SLC30A8: variants seen among roughly 807,000 people sequenced by gnomAD.
The protein encoded by SLC30A8 is solute carrier family 30 member 8.
A neutral mutation model predicts 36.9 loss-of-function variants in SLC30A8; 27 were observed. The ratio of observed to expected loss-of-function variants is 0.73; its 90% CI spans 0.54 to 1.01. The LOEUF is 1.01. Among genes scored for constraint, SLC30A8 ranks in the 50% least tolerant of loss-of-function variants. The pLI, the probability that SLC30A8 is intolerant of heterozygous loss-of-function variation, is 0.00. For synonymous variants in SLC30A8, 164 were observed against 172.4 expected (o/e 0.95, Z 0.38); for missense variants, 439 against 452.0 (o/e 0.97, Z 0.26).
At chr8:116,957,932 G>A (rs1311060902) in intron 1 of SLC30A8, among the ~76,000 whole-genome samples, 4 of 152,038 alleles carry the variant, frequency 2.6e-5, no homozygotes, top group African/African-American at 9.7e-5. Flanking sequence ...AGCACCTGAG[G>A]GCAGCCCTGT....
At chr8:117,097,396 C>CAAAA (rs1157294543) in intron 2 of SLC30A8, among the ~76,000 whole-genome samples, 4 of 25,048 alleles carry the variant, frequency 1.6e-4, no homozygotes, top group African/African-American at 4.4e-4. Flanking sequence ...GACTCCATCT[C>CAAAA]AAAAAAAAAA....
chr8:117,001,612 T>C (rs1816014096), intron 1 of SLC30A8, among the ~76,000 whole-genome samples: 1 of 152,194 alleles, frequency 6.6e-6, no homozygotes, highest in Admixed American at 6.5e-5. Context: ...CTAGAATAGT[T>C]TTTTTCACGT....
At chr8:117,099,025 A>G (rs1050757005) in intron 2 of SLC30A8, among the ~76,000 whole-genome samples, 1 of 152,206 alleles carries the variant, frequency 6.6e-6, no homozygotes, top group African/African-American at 2.4e-5. Context: ...GGTTAAACTC[A>G]GGGATGAATT....
At chr8:117,033,547 G>A (rs1817120171) in intron 1 of SLC30A8, among the ~76,000 whole-genome samples, 1 of 152,222 alleles carries the variant, frequency 6.6e-6, no homozygotes, top group Non-Finnish European at 1.5e-5. Flanking sequence ...AGTAGATAGA[G>A]GGAGTGATTA....
chr8:117,070,381 A>G (rs1239547484), intron 2 of SLC30A8, among the ~76,000 whole-genome samples: 2 of 152,134 alleles, frequency 1.3e-5, no homozygotes, highest in Non-Finnish European at 2.9e-5. Context: ...TGGTTCTCCT[A>G]AAGTACCTCA....
chr8:116,953,501 T>G (rs1231027189), intron 1 of SLC30A8, among the ~76,000 whole-genome samples: 1 of 152,224 alleles, frequency 6.6e-6, no homozygotes, highest in Non-Finnish European at 1.5e-5. Context: ...TTACATTGCT[T>G]GTTCTGCTTA....
At chr8:117,169,729 G>A (rs189350748) in intron 6 of SLC30A8, among the ~76,000 whole-genome samples, 31 of 152,152 alleles carry the variant, frequency 2.0e-4, no homozygotes, top group African/African-American at 6.3e-4. Flanking sequence ...GAGAAGGCAC[G>A]TCACATGATG....
rs1286839279 is a variant in SLC30A8 at position 117,175,543 on chromosome 8, G to A, written c.*2862G>A. ...TTCCCTTTATTAGCTCTGTGACCTC[G>A]AGCTAGTTACTTAAATGCTCTGATC... On this transcript the variant is annotated 3_prime_UTR_variant, in exon 8 of 8. Transcript: ENST00000456015. 1.3e-5 allele frequency: 2 copies of A among 152,032 alleles called. No homozygotes were observed. Among genetic ancestry groups the A allele is most frequent in the Admixed American group, 6.6e-5 (1 of 15,244 alleles). The allele number at this position is 152,032 out of a possible 1,614,324, so 9.4% of individuals were successfully genotyped here. A position where few individuals can be genotyped will look rare whatever the true frequency, so the allele number is the denominator to read the frequency against.
At chr8:116,953,876 A>C (rs1225951575) in intron 1 of SLC30A8, among the ~76,000 whole-genome samples, 1 of 152,194 alleles carries the variant, frequency 6.6e-6, no homozygotes, top group Non-Finnish European at 1.5e-5. Flanking sequence ...ACTGTAATTC[A>C]TTCATGAGAT....
At chr8:117,163,303 T>G in intron 5 of SLC30A8, 122 bp from the exon 6 acceptor site, 1 of 705,182 alleles carries the variant, frequency 1.4e-6, no homozygotes, top group South Asian at 2.1e-5. Context: ...ATGACACATG[T>G]CAAAAGGGTA....
intron 1 of SLC30A8, among the ~76,000 whole-genome samples, chr8:117,034,608 G>A (rs1817154642): frequency 6.6e-6 from 1 of 152,142 alleles, no homozygotes; most frequent in Admixed American, 6.6e-5. Context: ...TTGAACCCAG[G>A]TGTTCTAACT....
Position 117,065,630 on chromosome 8 carries a change from C to A in SLC30A8, c.-226+26372C>A, listed in dbSNP as rs114155763. On this transcript the variant is annotated intron_variant, in intron 2 of 10. Coordinates refer to the SLC30A8 transcript ENST00000427715. The stretch of plus-strand genomic sequence containing the variant: ...TATCTCCGCTCATGGTGACTTTACA[C>A]GGTCTCTGTGGGAGCAGCCATTTTG... Among the ~76,000 whole-genome samples, 952 of 152,150 alleles carry A rather than the reference C, an allele frequency of 6.3e-3. 7 individuals carry two copies. The highest frequency in any genetic ancestry group is 6.8e-3 in the Non-Finnish European group (462 of 68,006).
At chr8:116,959,177 TTCTC>T (rs1814329180) in intron 1 of SLC30A8, among the ~76,000 whole-genome samples, 1 of 152,208 alleles carries the variant, frequency 6.6e-6, no homozygotes, top group East Asian at 1.9e-4. Context: ...AAAATTTACT[TTCTC>T]TCTGTGTTTC....
rs1563593781 is a variant in SLC30A8 at position 117,097,414 on chromosome 8, A to ATATATAT, written c.-225-37866_-225-37865insTATATAT. 4.7e-4 allele frequency among the ~76,000 whole-genome samples: 56 copies of ATATATAT among 119,982 alleles called. 1 individual carries two copies. Among genetic ancestry groups the ATATATAT allele is most frequent in the African/African-American group, 1.8e-3 (51 of 27,712 alleles). 78.7% of individuals were successfully genotyped at this position (119,982 alleles called of 152,430 possible). A position where few individuals can be genotyped will look rare whatever the true frequency, so the allele number is the denominator to read the frequency against. On this transcript the variant is annotated intron_variant, in intron 2 of 10. Transcript: ENST00000427715. Reference sequence around the variant, plus strand: ...TCCATCTCAAAAAAAAAAAAAAAAAAAAAAATATATATAAATATATATAAT... The same window carrying ATATATAT: ...TCCATCTCAAAAAAAAAAAAAAAAAATATATATAAAAATATATATAAATATATATAAT...
intron 1 of SLC30A8, among the ~76,000 whole-genome samples, chr8:117,019,490 C>A (rs1449421675): frequency 1.3e-5 from 2 of 152,144 alleles, no homozygotes; most frequent in Non-Finnish European, 2.9e-5. Context: ...TTTCATTTGT[C>A]CTATTACAAG....
chr8:117,171,447 A>G (rs1823380777), intron 7 of SLC30A8, among the ~76,000 whole-genome samples: 1 of 152,160 alleles, frequency 6.6e-6, no homozygotes, highest in Non-Finnish European at 1.5e-5. Context: ...TGGACTCTGA[A>G]TATTCAACTT....
At chr8:116,987,245 C>T (rs568919785) in intron 1 of SLC30A8, among the ~76,000 whole-genome samples, 10 of 135,248 alleles carry the variant, frequency 7.4e-5, no homozygotes, top group African/African-American at 2.6e-4. Flanking sequence ...CTAGAGATAA[C>T]ATGGACACAG....
intron 1 of SLC30A8, among the ~76,000 whole-genome samples, chr8:116,960,154 T>G (rs750628784): frequency 4.6e-5 from 7 of 152,230 alleles, no homozygotes; most frequent in Non-Finnish European, 7.3e-5. Context: ...ATTTTGTCTG[T>G]GTTTATTTTG....
At chr8:116,957,373 C>T (rs776554507) in intron 1 of SLC30A8, among the ~76,000 whole-genome samples, 6 of 152,126 alleles carry the variant, frequency 3.9e-5, no homozygotes, top group East Asian at 3.9e-4. Flanking sequence ...TGGGTTCAAG[C>T]GCTTTTTCTG....
Sources: gnomAD v4.1 joint callset for allele counts (sites outside exome capture counted in the v4.1 genomes callset) on GRCh38, gnomAD v4.1.1 for gene constraint, MANE v1.5 for transcripts, NCBI Gene and HGNC (gene_info 2026-07-23, HGNC 2026-07-21) for gene names.